NTPCR: variants seen among roughly 807,000 people sequenced by gnomAD.
NTPCR encodes the protein nucleoside-triphosphatase, cancer-related, also known as cancer-related nucleoside-triphosphatase.
A neutral mutation model predicts 19.5 loss-of-function variants in NTPCR; 15 were observed. That is an observed-to-expected ratio of 0.77 (90% CI 0.51 to 1.18). The LOEUF (loss-of-function observed/expected upper bound fraction) is 1.18. NTPCR is among the 50% of genes most tolerant of loss of function. NTPCR has a pLI of 0.00. For synonymous variants in NTPCR, 90 were observed against 95.8 expected, an observed-to-expected ratio of 0.94 and a Z score of 0.36; for missense variants, 206 against 240.4, an observed-to-expected ratio of 0.86 and a Z score of 0.95.
At chr1:232,970,394 A>G (rs1668943199) in intron 4 of NTPCR, among the ~76,000 whole-genome samples, 1 of 152,222 alleles carries the variant, frequency 6.6e-6, no homozygotes, top group Admixed American at 6.5e-5. Flanking sequence ...CCTCTCTGGC[A>G]TCAGAATTGC....
chr1:232,960,865 T>TA (rs1177317373), intron 3 of NTPCR, among the ~76,000 whole-genome samples: 4 of 152,120 alleles, frequency 2.6e-5, no homozygotes, highest in Admixed American at 2.0e-4. Context: ...TATTCATGGT[T>TA]AAAAAAATTA....
At position 232,978,392 on chromosome 1, in the gene NTPCR, A is replaced by G. The variant is rs1669204112; in HGVS notation, c.*161A>G. 1.5e-5 allele frequency: 9 copies of G among 593,984 alleles called. No homozygotes were observed. The highest frequency in any genetic ancestry group is 2.7e-5 in the Non-Finnish European group (9 of 334,396). 36.8% of individuals were successfully genotyped at this position (593,984 alleles called of 1,614,324 possible). ...TTCCCATAAAATGTTTAAAAGATCA[A>G]ATTAGCCTTAATGCTGGATTGTCTG... On this transcript the variant is annotated 3_prime_UTR_variant, in exon 5 of 5. Transcript: ENST00000366628.
chr1:232,976,585 T>C (rs767377980), intron 4 of NTPCR: 115 of 1,462,842 alleles, frequency 7.9e-5, no homozygotes, highest in Non-Finnish European at 9.5e-5. Context: ...AAAAGCCTTA[T>C]AGGCTTTGGA....
chr1:232,956,430 C>T lies in NTPCR; in HGVS notation c.281C>T (p.Pro94Leu), dbSNP rs757880649. ...DLTSFEQLAL[P>L]VLRNADCSSG... is the part of the protein sequence containing the mutation. ...ACTTCTTTTGAGCAGTTGGCACTAC[C>T]CGTCTTGAGGAATGTGAGTACGTGA... The change falls in exon 3 of 5, where the codon CCC (proline) becomes CTC (leucine). Residue 94 changes from proline (P) to leucine (L), a missense_variant. Transcript: ENST00000366628. 1 of 1,610,626 alleles carries T rather than the reference C, an allele frequency of 6.2e-7. No individual in the cohort carries two copies. The highest frequency in any genetic ancestry group is 1.7e-5 in the Admixed American group (1 of 59,976).
intron 4 of NTPCR, among the ~76,000 whole-genome samples, chr1:232,971,891 G>T (rs1668993494): frequency 6.6e-6 from 1 of 152,160 alleles, no homozygotes; most frequent in South Asian, 2.1e-4. Context: ...TGTGATTATA[G>T]AGTTTCCATG....
intron 1 of NTPCR, among the ~76,000 whole-genome samples, chr1:232,951,510 T>G (rs1346079190): frequency 6.6e-6 from 1 of 152,106 alleles, no homozygotes; most frequent in Non-Finnish European, 1.5e-5. Flanking sequence ...CAAGCATTAC[T>G]AAAAAGGACA....
intron 3 of NTPCR, chr1:232,963,547 C>CATTTCCAGCATTTCCTT (rs1166783069): frequency 6.6e-6 from 1 of 152,128 alleles, no homozygotes; most frequent in East Asian, 1.9e-4. Context: ...CACTTTGTCC[C>CATTTCCAGCATTTCCTT]ATTTCCAGCA....
Position 232,958,830 on chromosome 1 carries a change from C to A in NTPCR, c.294+2387C>A, listed in dbSNP as rs372319535. ...CAAGTGAAGATTCTGGTTTTAGGAA[C>A]TGACTGGGTCAATACAAAGAATTTT... is the stretch of plus-strand genomic sequence containing the variant. On this transcript the variant is annotated intron_variant, in intron 3 of 4. Coordinates refer to ENST00000366628, the MANE Select transcript of NTPCR (RefSeq NM_032324.3). Among the ~76,000 whole-genome samples, 96 of 152,316 alleles carry A rather than the reference C, an allele frequency of 6.3e-4. No homozygotes were observed. In the South Asian group the frequency reaches 0.012, roughly 19 times the overall value.
At chr1:232,972,675 C>T (rs190931004) in intron 4 of NTPCR, among the ~76,000 whole-genome samples, 1 of 148,636 alleles carries the variant, frequency 6.7e-6, no homozygotes, top group East Asian at 2.1e-4. Context: ...AATCTGCCTG[C>T]CTCAGCCTCT....
intron 3 of NTPCR, 58 bp from the exon 4 acceptor site, chr1:232,969,842 GTGGGACCCA>G: frequency 1.5e-6 from 2 of 1,298,918 alleles, no homozygotes; most frequent in Non-Finnish European, 2.2e-6. Context: ...TGATTGGGGA[GTGGGACCCA>G]TGGGCCCTTT....
intron 4 of NTPCR, among the ~76,000 whole-genome samples, chr1:232,973,301 C>T (rs1049620546): frequency 2.0e-5 from 3 of 152,180 alleles, no homozygotes; most frequent in Admixed American, 2.0e-4. Context: ...ATTATCTTGA[C>T]TTATTCTTCA....
chr1:232,970,670 C>G (rs6671461), intron 4 of NTPCR, among the ~76,000 whole-genome samples: 33,199 of 152,030 alleles, frequency 0.22, 3,647 homozygotes, highest in African/African-American at 0.25. Flanking sequence ...AGCCACATCT[C>G]GCTATTTATG....
rs1486803879 is a variant in NTPCR, at chr1:232,982,762, G to C, written c.*4531G>C. 1 of 152,220 alleles carries C rather than the reference G, an allele frequency of 6.6e-6. No homozygotes were observed. The highest frequency in any genetic ancestry group is 1.5e-5 in the Non-Finnish European group (1 of 68,044). 9.4% of individuals were successfully genotyped at this position (152,220 alleles called of 1,614,324 possible). On this transcript the variant is annotated 3_prime_UTR_variant, in exon 5 of 5. Coordinates refer to ENST00000366628, the MANE Select transcript of NTPCR (RefSeq NM_032324.3). ...CTGGCTGACCACTGCCAGGCACCGTGGTTTTCCTCACTGAACTCAAGGAGT... is the reference window on the plus strand; with the variant it reads ...CTGGCTGACCACTGCCAGGCACCGTCGTTTTCCTCACTGAACTCAAGGAGT...
rs373556229 is a variant in NTPCR, at chr1:232,955,710, C to T, written c.188C>T (p.Ser63Leu). 20 of 1,613,522 alleles carry T rather than the reference C, an allele frequency of 1.2e-5. No individual in the cohort carries two copies. The highest frequency in any genetic ancestry group is 4.4e-5 in the South Asian group (4 of 91,060). Residue 63 changes from serine (S) to leucine (L), a missense_variant, in exon 2 of 5, where the codon TCG becomes TTG. Coordinates refer to ENST00000366628, the MANE Select transcript of NTPCR (RefSeq NM_032324.3). ...TTGTCCGGCACCCGGGGGCCTTTAT[C>T]GAGAGTTGGGTACTGATATTTCATT... Reference protein sequence around the residue: ...VTLSGTRGPLSRVGLEPPPGK... With the variant: ...VTLSGTRGPLLRVGLEPPPGK...
intron 4 of NTPCR, among the ~76,000 whole-genome samples, chr1:232,972,309 A>C (rs1669007634): frequency 6.6e-6 from 1 of 151,612 alleles, no homozygotes; most frequent in African/African-American, 2.4e-5. Context: ...TTTTTTATTT[A>C]ACTTATTTTT....
At chr1:232,959,595 A>G (rs927012316) in intron 3 of NTPCR, among the ~76,000 whole-genome samples, 6 of 152,214 alleles carry the variant, frequency 3.9e-5, no homozygotes, top group African/African-American at 1.4e-4. Flanking sequence ...ATTAATTAAA[A>G]TAATTAGGCA....
chr1:232,973,640 A>G (rs184086716), intron 4 of NTPCR, among the ~76,000 whole-genome samples: 42 of 152,378 alleles, frequency 2.8e-4, no homozygotes, highest in East Asian at 3.9e-4. Flanking sequence ...GAAAACAGCT[A>G]TCATAAAAAT....
rs1336757765 is a variant in NTPCR, at chr1:232,980,346, G to T, written c.*2115G>T. 6.6e-6 allele frequency: 1 copy of T among 152,236 alleles called. No homozygotes were observed. Among genetic ancestry groups the T allele is most frequent in the African/African-American group, 2.4e-5 (1 of 41,464 alleles). The allele number at this position is 152,236 out of a possible 1,614,324, so 9.4% of individuals were successfully genotyped here. A position where few individuals can be genotyped will look rare whatever the true frequency, so the allele number is the denominator to read the frequency against. The stretch of plus-strand genomic sequence containing the variant: ...TTTAAGTGGTTCGTTCAGGAGCACA[G>T]TGATAGCGGTGACAAAGGAGATTTG... On this transcript the variant is annotated 3_prime_UTR_variant, in exon 5 of 5. Transcript: ENST00000366628.
In NTPCR at chr1:232,978,565, TA is replaced by T; in HGVS notation, c.*337del. 5.1e-6 allele frequency: 1 copy of T among 197,268 alleles called. No individual in the cohort carries two copies. The allele number at this position is 197,268 out of a possible 1,614,324, so 12.2% of individuals were successfully genotyped here. A position where few individuals can be genotyped will look rare whatever the true frequency, so the allele number is the denominator to read the frequency against. On this transcript the variant is annotated 3_prime_UTR_variant, in exon 5 of 5. Coordinates refer to ENST00000366628, the MANE Select transcript of NTPCR (RefSeq NM_032324.3). ...TGGAATTCACCCCCGTTGAAGTTTA[TA>T]AATGTGTTCAGGGGAAGCGGGAGGA...
Sources: allele counts gnomAD v4.1 joint callset (sites outside exome capture counted in the v4.1 genomes callset), GRCh38; gene constraint gnomAD v4.1.1; transcripts MANE v1.5; gene names NCBI Gene and HGNC (gene_info 2026-07-23, HGNC 2026-07-21).